The following CCDC149 variants were observed in gnomAD, a reference collection of about 807,000 sequenced individuals.
The protein encoded by CCDC149 is coiled-coil domain containing 149, also known as coiled-coil domain-containing protein 149.
Under a neutral mutation model 59.9 loss-of-function variants are expected in CCDC149, and 45 were observed. The ratio of observed to expected loss-of-function variants is 0.75; its 90% CI spans 0.59 to 0.96. The LOEUF (loss-of-function observed/expected upper bound fraction) is 0.96, where lower values mean the gene tolerates loss of function less well. Among genes scored for constraint, CCDC149 ranks in the 40% least tolerant of loss-of-function variants. CCDC149 has a pLI of 0.00. For missense variants in CCDC149, 584 were observed against 664.7 expected (o/e 0.88, Z 1.33); for synonymous variants, 245 against 260.6 (o/e 0.94, Z 0.58).
At chr4:24,899,380 C>A (rs181679820) in intron 1 of CCDC149, among the ~76,000 whole-genome samples, 5 of 152,238 alleles carry the variant, frequency 3.3e-5, no homozygotes, top group Admixed American at 6.5e-5. Context: ...TTAGGGCACA[C>A]TGAGTAAGGT....
intron 1 of CCDC149, among the ~76,000 whole-genome samples, chr4:24,959,726 A>G (rs1404536785): frequency 6.6e-6 from 1 of 152,180 alleles, no homozygotes; most frequent in Non-Finnish European, 1.5e-5. Flanking sequence ...TTTTCATCAG[A>G]AAAAAATGCA....
chr4:24,931,829 G>GTATATATATGTATATATATATATATA (rs60585956), intron 1 of CCDC149, among the ~76,000 whole-genome samples: 803 of 76,740 alleles, frequency 0.01, 19 homozygotes, highest in Middle Eastern at 0.02. Context: ...TGGAGAGTAT[G>GTATATATATGTATATATATATATATA]TATATATATA....
intron 3 of CCDC149, among the ~76,000 whole-genome samples, chr4:24,869,666 A>T (rs1235758561): frequency 6.6e-6 from 1 of 152,216 alleles, no homozygotes; most frequent in Non-Finnish European, 1.5e-5. Flanking sequence ...GGCACTGCAC[A>T]TTGATGGATG....
intron 1 of CCDC149, among the ~76,000 whole-genome samples, chr4:24,902,326 T>C (rs1361533782): frequency 1.3e-5 from 2 of 152,210 alleles, no homozygotes; most frequent in African/African-American, 4.8e-5. Context: ...GAAACCAACC[T>C]ACCCCAAGTA....
intron 1 of CCDC149, among the ~76,000 whole-genome samples, chr4:24,908,305 T>C (rs943192467): frequency 8.5e-5 from 13 of 152,166 alleles, no homozygotes; most frequent in South Asian, 6.2e-4. Context: ...AGGTCTCTTA[T>C]TATCTTCAGA....
intron 1 of CCDC149, among the ~76,000 whole-genome samples, chr4:24,950,687 GC>G (rs1260073215): frequency 6.6e-6 from 1 of 152,232 alleles, no homozygotes; most frequent in African/African-American, 2.4e-5. Flanking sequence ...CCTTAGGGTG[GC>G]AGTGGAGGGT....
chr4:24,961,845 A>T (rs1179440127), intron 1 of CCDC149, among the ~76,000 whole-genome samples: 1 of 152,114 alleles, frequency 6.6e-6, no homozygotes, highest in Non-Finnish European at 1.5e-5. Context: ...TAGACCTAAA[A>T]CCATAAAAAC....
chr4:24,834,983 C>T lies in CCDC149; in HGVS notation c.785G>A (p.Ser262Asn), dbSNP rs1165130850. The T allele has an allele frequency of 6.2e-6, 10 of 1,613,962 alleles. 1 individual carries two copies. The South Asian group carries it at 8.8e-5, about 14-fold the overall frequency. ...AGACAGGACTCCTGTCAGAGCACTG[C>T]TGCTGGATTTACCCTGGCCCTTCGA... The change falls in exon 8 of 13, where the codon AGC becomes AAC. Residue 262 changes from serine (S) to asparagine (N), a missense_variant. Coordinates refer to ENST00000635206, the MANE Select transcript of CCDC149 (RefSeq NM_001330643.2).
intron 3 of CCDC149, among the ~76,000 whole-genome samples, chr4:24,872,358 C>A (rs753789534): frequency 6.6e-6 from 1 of 152,208 alleles, no homozygotes; most frequent in African/African-American, 2.4e-5. Context: ...ACAGTATGCA[C>A]CCACAGAATG....
intron 11 of CCDC149, 103 bp from the exon 12 acceptor site, chr4:24,820,078 A>G (rs1020379298): frequency 7.8e-6 from 6 of 766,014 alleles, no homozygotes; most frequent in African/African-American, 5.3e-5. Context: ...ACCCACAGAC[A>G]CTACCATTGA....
At chr4:24,857,525 T>C (rs1006304541) in intron 3 of CCDC149, among the ~76,000 whole-genome samples, 1 of 152,154 alleles carries the variant, frequency 6.6e-6, no homozygotes, top group African/African-American at 2.4e-5. Flanking sequence ...TAAAAAGCAC[T>C]GAGCTCAAAT....
intron 1 of CCDC149, among the ~76,000 whole-genome samples, chr4:24,891,171 C>A (rs1342105483): frequency 6.6e-6 from 1 of 152,202 alleles, no homozygotes; most frequent in Non-Finnish European, 1.5e-5. Context: ...CTATCCTTAA[C>A]AAGAACTGTC....
chr4:24,833,795 T>A (rs1479532788), intron 8 of CCDC149, among the ~76,000 whole-genome samples: 1 of 152,238 alleles, frequency 6.6e-6, no homozygotes, highest in Non-Finnish European at 1.5e-5. Flanking sequence ...TGTTTTTTGT[T>A]GGTTCAAAGG....
intron 8 of CCDC149, among the ~76,000 whole-genome samples, chr4:24,833,617 G>A (rs1012985072): frequency 1.3e-5 from 2 of 150,176 alleles, no homozygotes; most frequent in Non-Finnish European, 3.0e-5. Context: ...GAGTGAGACT[G>A]TCTCAAAAAA....
At chr4:24,888,819 T>C (rs1209018302) in intron 1 of CCDC149, among the ~76,000 whole-genome samples, 1 of 152,180 alleles carries the variant, frequency 6.6e-6, no homozygotes, top group Non-Finnish European at 1.5e-5. Context: ...TTCCACAGCC[T>C]TTTCTAAATC....
chr4:24,957,036 A>G (rs1049785006), intron 1 of CCDC149, among the ~76,000 whole-genome samples: 1 of 152,238 alleles, frequency 6.6e-6, no homozygotes. Context: ...TCTGGCTCCA[A>G]CATTGGAGCT....
intron 1 of CCDC149, among the ~76,000 whole-genome samples, chr4:24,979,623 G>A (rs1724377719): frequency 6.6e-6 from 1 of 152,154 alleles, no homozygotes; most frequent in African/African-American, 2.4e-5. Flanking sequence ...CTACAATTGA[G>A]CAGATTCCCT....
chr4:24,936,132 T>C (rs561248695), intron 1 of CCDC149, among the ~76,000 whole-genome samples: 38 of 152,034 alleles, frequency 2.5e-4, no homozygotes, highest in Non-Finnish European at 1.5e-4. Context: ...AGTGGAGTAG[T>C]AGGGAAAAAA....
Position 24,837,385 on chromosome 4 carries a change from G to T in CCDC149, c.505C>A (p.His169Asn). 2 of 1,614,134 alleles carry T rather than the reference G, an allele frequency of 1.2e-6. No individual in the cohort carries two copies. Among genetic ancestry groups the T allele is most frequent in the African/African-American group, 2.7e-5 (2 of 75,046 alleles). Reference sequence around the variant, plus strand: ...TCGTCCACAGAAGCCTGCAGGTCGTGCTCCAGAGACTCAATCTAAAACCAC... The same window carrying T: ...TCGTCCACAGAAGCCTGCAGGTCGTTCTCCAGAGACTCAATCTAAAACCAC... Residue 169 changes from histidine (H) to asparagine (N), a missense_variant, in exon 6 of 13, where the codon CAC becomes AAC. By Grantham distance (68) the His-to-Asn change is moderately conservative. Coordinates refer to ENST00000635206, the MANE Select transcript of CCDC149 (RefSeq NM_001330643.2). This position sits in a 1 kb window ranked among gnomAD's most constrained non-coding sequence, Gnocchi z 4.3.
Sources: allele counts gnomAD v4.1 joint callset (sites outside exome capture counted in the v4.1 genomes callset), GRCh38; gene constraint gnomAD v4.1.1; non-coding constraint Gnocchi (gnomAD v3.1); transcripts MANE v1.5; gene names NCBI Gene and HGNC (gene_info 2026-07-23, HGNC 2026-07-21).